The following BANK1 variants were observed in gnomAD, a reference collection of about 807,000 sequenced individuals.
BANK1 encodes the protein B cell scaffold protein with ankyrin repeats 1.
Under a neutral mutation model 94.5 loss-of-function variants are expected in BANK1, and 95 were observed. That is an observed-to-expected ratio of 1.00 (90% CI 0.85 to 1.19). The LOEUF is 1.19. Ranked by LOEUF, BANK1 falls within the 50% of genes most tolerant of loss-of-function variation. The pLI is 0.00. For missense variants in BANK1, 987 were observed against 932.2 expected (o/e 1.06, Z -0.77); for synonymous variants, 334 against 308.4 (o/e 1.08, Z -0.87).
At chr4:102,017,120 T>G (rs1220989991) in intron 7 of BANK1, among the ~76,000 whole-genome samples, 1 of 152,226 alleles carries the variant, frequency 6.6e-6, no homozygotes, top group Non-Finnish European at 1.5e-5. Context: ...AAAAATAGAA[T>G]AAACAAGTTG....
chr4:102,008,718 TACA>T (rs1726387013), intron 7 of BANK1, among the ~76,000 whole-genome samples: 3 of 152,334 alleles, frequency 2.0e-5, no homozygotes, highest in Middle Eastern at 3.4e-3. Flanking sequence ...ATTTTCAGCT[TACA>T]ACATTTTTTT....
chr4:102,007,003 G>C (rs1003840490), intron 7 of BANK1, among the ~76,000 whole-genome samples: 57 of 140,908 alleles, frequency 4.0e-4, no homozygotes, highest in Non-Finnish European at 8.1e-4. Context: ...CATTGAGCTA[G>C]TGAGCAAGTC....
chr4:101,847,982 T>C (rs1301666399), intron 2 of BANK1, among the ~76,000 whole-genome samples: 2 of 152,154 alleles, frequency 1.3e-5, no homozygotes, highest in African/African-American at 4.8e-5. Context: ...ATGGATCCCT[T>C]TGGCGCCAGC....
At chr4:101,906,589 G>T (rs939090931) in intron 6 of BANK1, among the ~76,000 whole-genome samples, 4 of 152,122 alleles carry the variant, frequency 2.6e-5, no homozygotes, top group African/African-American at 9.7e-5. Context: ...TTTAGCTTTA[G>T]CTGGTAAATA....
intron 12 of BANK1, 172 bp from the exon 13 acceptor site, chr4:102,062,903 T>A: frequency 1.8e-6 from 1 of 570,892 alleles, no homozygotes; most frequent in Non-Finnish European, 3.2e-6. Context: ...CATTAAGCTG[T>A]GAGAATTAAG....
chr4:101,807,973 T>C (rs1282100163), intron 1 of BANK1, among the ~76,000 whole-genome samples: 1 of 151,534 alleles, frequency 6.6e-6, no homozygotes, highest in Admixed American at 6.6e-5. Flanking sequence ...TAGTCCCAGC[T>C]ACTCGGGAGA....
chr4:102,055,083 C>G (rs1212416527), intron 11 of BANK1, among the ~76,000 whole-genome samples: 3 of 151,998 alleles, frequency 2.0e-5, no homozygotes, highest in Non-Finnish European at 4.4e-5. Context: ...AAAATTATGT[C>G]AAGTGATAAA....
At chr4:101,925,696 G>A (rs73836654) in intron 7 of BANK1, among the ~76,000 whole-genome samples, 185 of 151,788 alleles carry the variant, frequency 1.2e-3, no homozygotes, top group African/African-American at 4.2e-3. Context: ...GGGCTAAATC[G>A]TCTTTAAAGA....
At chr4:102,020,337 T>C (rs1240240859) in intron 7 of BANK1, among the ~76,000 whole-genome samples, 1 of 152,088 alleles carries the variant, frequency 6.6e-6, no homozygotes, top group Non-Finnish European at 1.5e-5. Context: ...AATCAAAATG[T>C]CAAACCTCCT....
At chr4:101,952,522 G>GAT (rs1724200029) in intron 7 of BANK1, among the ~76,000 whole-genome samples, 3 of 152,096 alleles carry the variant, frequency 2.0e-5, no homozygotes, top group Admixed American at 1.3e-4. Flanking sequence ...TTGTTACAAT[G>GAT]ATCATAGTTA....
At chr4:101,791,061 T>G in intron 1 of BANK1, 111 bp downstream of exon 1, 1 of 868,088 alleles carries the variant, frequency 1.2e-6, no homozygotes, top group South Asian at 1.8e-5. Context: ...GGCCAGGGCG[T>G]CCCTGAGACA....
intron 9 of BANK1, 33 bp downstream of exon 9, chr4:102,025,542 A>G (rs1727062117): frequency 6.3e-7 from 1 of 1,589,896 alleles, no homozygotes; most frequent in Non-Finnish European, 8.6e-7. Context: ...ACAAAACAAA[A>G]CAAAGACAAA....
chr4:101,823,392 A>G (rs1726247481), intron 1 of BANK1, among the ~76,000 whole-genome samples: 1 of 152,212 alleles, frequency 6.6e-6, no homozygotes, highest in Non-Finnish European at 1.5e-5. Context: ...TTGTGGTAAT[A>G]TTTTGAGAAA....
At chr4:101,857,881 A>G (rs1380748093) in intron 3 of BANK1, among the ~76,000 whole-genome samples, 2 of 151,826 alleles carry the variant, frequency 1.3e-5, no homozygotes, top group African/African-American at 2.4e-5. Flanking sequence ...CTATTTTAGT[A>G]TTTTTTGGAC....
At chr4:101,910,471 C>A (rs1222174153) in intron 6 of BANK1, among the ~76,000 whole-genome samples, 4 of 151,828 alleles carry the variant, frequency 2.6e-5, no homozygotes, top group Admixed American at 2.6e-4. Flanking sequence ...CACCTGAGGT[C>A]GGGAGTTCGA....
intron 10 of BANK1, among the ~76,000 whole-genome samples, chr4:102,034,939 A>G (rs1220299989): frequency 6.6e-6 from 1 of 152,196 alleles, no homozygotes; most frequent in African/African-American, 2.4e-5. Context: ...TCTAACCTAT[A>G]AGATCCATGA....
intron 7 of BANK1, among the ~76,000 whole-genome samples, chr4:102,007,114 T>TTA (rs370071709): frequency 0.31 from 12,585 of 40,018 alleles, 1,461 homozygotes; most frequent in East Asian, 0.41. Context: ...TATATATAAA[T>TTA]ATATATTTTA....
At chr4:101,895,793 G>A (rs542630514) in intron 6 of BANK1, among the ~76,000 whole-genome samples, 11 of 151,740 alleles carry the variant, frequency 7.2e-5, no homozygotes, top group African/African-American at 2.2e-4. Context: ...ATCTATTAAC[G>A]TGACCACCAG....
chr4:101,880,754 TCATAAA>T, intron 5 of BANK1, among the ~76,000 whole-genome samples: 1 of 152,064 alleles, frequency 6.6e-6, no homozygotes, highest in Admixed American at 6.6e-5. Context: ...AATAGAGAAC[TCATAAA>T]CAAATCCAAA....
Sources: gnomAD v4.1 joint callset for allele counts (sites outside exome capture counted in the v4.1 genomes callset) on GRCh38, gnomAD v4.1.1 for gene constraint, MANE v1.5 for transcripts, NCBI Gene and HGNC (gene_info 2026-07-23, HGNC 2026-07-21) for gene names.